LRBA: variants seen among roughly 807,000 people sequenced by gnomAD.
LRBA encodes the protein LPS responsive beige-like anchor protein, also known as lipopolysaccharide-responsive and beige-like anchor protein.
A neutral mutation model predicts 330.0 loss-of-function variants in LRBA; 176 were observed. The observed-to-expected ratio is 0.53, with a 90% CI of 0.47 to 0.60. The LOEUF is 0.60. Among genes scored for constraint, LRBA ranks in the 20% least tolerant of loss-of-function variants. LRBA has a pLI of 0.00. For synonymous variants in LRBA, 1,230 were observed against 1,193.0 expected (o/e 1.03, Z -0.64); for missense variants, 3,259 against 3,444.8 (o/e 0.95, Z 1.35).
rs755020400 is a variant in LRBA, at chr4:150,908,336, T to C, written c.1491A>G (p.Ile497Met). 1.9e-6 allele frequency: 3 copies of C among 1,608,142 alleles called. No homozygotes were observed. The highest frequency in any genetic ancestry group is 2.5e-6 in the Non-Finnish European group (3 of 1,178,802). Residue 497 changes from isoleucine (I) to methionine (M), a missense_variant and splice_region_variant, in exon 11 of 57, where the codon ATA (isoleucine) becomes ATG (methionine). Coordinates refer to ENST00000651943, the MANE Select transcript of LRBA (RefSeq NM_001364905.1). ...AAGAAACAAATAAAGGCACTCACCATATAGTCAAATCAATCTCATCAGACA... is the reference window on the plus strand; with the variant it reads ...AAGAAACAAATAAAGGCACTCACCACATAGTCAAATCAATCTCATCAGACA... Reference protein sequence around the residue: ...QYLSDEIDLTICSTLLAFIME... With the variant: ...QYLSDEIDLTMCSTLLAFIME...
At chr4:150,898,178 A>G (rs1730321071) in intron 14 of LRBA, among the ~76,000 whole-genome samples, 1 of 152,144 alleles carries the variant, frequency 6.6e-6, no homozygotes, top group Non-Finnish European at 1.5e-5. Context: ...AGAAGTTTAC[A>G]AAGAAAAAAA....
intron 56 of LRBA, among the ~76,000 whole-genome samples, chr4:150,268,217 A>G (rs1167219215): frequency 6.6e-6 from 1 of 152,246 alleles, no homozygotes; most frequent in Non-Finnish European, 1.5e-5. Flanking sequence ...TGAAAACAGT[A>G]TACCAAAACT....
At chr4:150,879,328 T>C (rs1246195951) in intron 17 of LRBA, among the ~76,000 whole-genome samples, 1 of 152,092 alleles carries the variant, frequency 6.6e-6, no homozygotes, top group Non-Finnish European at 1.5e-5. Context: ...CTCTTCATCA[T>C]AAAAATCCTC....
In LRBA at chr4:151,014,484, A is replaced by G; in HGVS notation, c.159T>C (p.Gly53=). Residue 53 remains glycine, a synonymous_variant, in exon 2 of 57, where the codon GGT becomes GGC. Transcript: ENST00000651943. ...TGGATACTTCTCCAACTTCAACCAA[A>G]CCGGTCAACACGGCAAATTTCATTC... ...GIRMKFAVLT[G]LVEVGEVSNR... 1.9e-6 allele frequency: 3 copies of G among 1,614,218 alleles called. No homozygotes were observed. Among genetic ancestry groups the G allele is most frequent in the Non-Finnish European group, 2.5e-6 (3 of 1,180,038 alleles).
chr4:150,548,770 A>C lies in LRBA; in HGVS notation c.6330+39278T>G, dbSNP rs138278195. On this transcript the variant is annotated intron_variant, in intron 40 of 56. Transcript: ENST00000651943. Reference sequence around the variant, plus strand: ...TTACTAATTGTCTGACATTGTGCTAACTGCTATTACATGAATTATCTCATT... The same window carrying C: ...TTACTAATTGTCTGACATTGTGCTACCTGCTATTACATGAATTATCTCATT... Among the ~76,000 whole-genome samples, 645 of 152,300 alleles carry C rather than the reference A, an allele frequency of 4.2e-3. 3 individuals carry two copies. Among genetic ancestry groups the C allele is most frequent in the African/African-American group, 0.015 (624 of 41,570 alleles).
intron 40 of LRBA, among the ~76,000 whole-genome samples, chr4:150,553,457 A>G (rs1006369568): frequency 2.6e-5 from 4 of 152,032 alleles, no homozygotes; most frequent in African/African-American, 4.8e-5. Context: ...CCTAGAACTT[A>G]AAGTACAAAA....
chr4:150,985,257 CAA>C (rs1225680637), intron 2 of LRBA, among the ~76,000 whole-genome samples: 15 of 80,286 alleles, frequency 1.9e-4, no homozygotes, highest in African/African-American at 2.1e-4. Context: ...GACTCCATCT[CAA>C]AAAAAAAAAA....
At chr4:150,540,941 T>C (rs1350816094) in intron 40 of LRBA, among the ~76,000 whole-genome samples, 2 of 152,202 alleles carry the variant, frequency 1.3e-5, no homozygotes, top group East Asian at 1.9e-4. Context: ...AATGCTAATA[T>C]AGAGCAGCGG....
intron 35 of LRBA, among the ~76,000 whole-genome samples, chr4:150,738,320 G>C (rs1457959715): frequency 6.6e-6 from 1 of 152,000 alleles, no homozygotes; most frequent in East Asian, 1.9e-4. Context: ...ACTAAAAATA[G>C]GTCTTTTTTC....
At position 150,907,729 on chromosome 4, in the gene LRBA, C is replaced by T. The variant is rs142630516; in HGVS notation, c.1493+605G>A. On this transcript the variant is annotated intron_variant, in intron 11 of 56. Coordinates refer to ENST00000651943, the MANE Select transcript of LRBA (RefSeq NM_001364905.1). ...TACATTGTTTCACTAGAATATATAG[C>T]CATGAGAAATTGAGACTCCTTTCCT... Among the ~76,000 whole-genome samples the T allele has an allele frequency of 3.9e-5, 6 of 152,136 alleles. No homozygotes were observed. In the East Asian group the frequency reaches 9.6e-4, roughly 24 times the overall value.
At chr4:151,009,997 A>G (rs780675027) in intron 2 of LRBA, among the ~76,000 whole-genome samples, 26 of 151,802 alleles carry the variant, frequency 1.7e-4, no homozygotes, top group Non-Finnish European at 3.2e-4. Context: ...TAAATAAATA[A>G]ATAAATAAAT....
At chr4:150,295,613 TATAA>T (rs774867378) in intron 53 of LRBA, among the ~76,000 whole-genome samples, 4 of 152,328 alleles carry the variant, frequency 2.6e-5, no homozygotes, top group East Asian at 1.9e-4. Context: ...TCCCACTACC[TATAA>T]ATAAATGTTG....
At position 150,648,158 on chromosome 4, in the gene LRBA, C is replaced by CAAAAAAAAAAAAAAA; in HGVS notation, c.5921+35378_5921+35392dup. The stretch of plus-strand genomic sequence containing the variant: ...TCAGAAGAGAAAGGAACACAAGTAG[C>CAAAAAAAAAAAAAAA]AAAAAAAAAAAAAAAAAAACTAGAA... On this transcript the variant is annotated intron_variant, in intron 37 of 56. Transcript: ENST00000651943. 1.9e-3 allele frequency among the ~76,000 whole-genome samples: 35 copies of CAAAAAAAAAAAAAAA among 18,092 alleles called. 3 individuals are homozygous for CAAAAAAAAAAAAAAA. The highest frequency in any genetic ancestry group is 3.7e-3 in the Non-Finnish European group (21 of 5,682). 11.9% of individuals were successfully genotyped at this position (18,092 alleles called of 152,430 possible). A position where few individuals can be genotyped will look rare whatever the true frequency, so the allele number is the denominator to read the frequency against.
intron 36 of LRBA, among the ~76,000 whole-genome samples, chr4:150,717,518 G>A (rs962527702): frequency 6.6e-6 from 1 of 151,566 alleles, no homozygotes; most frequent in South Asian, 2.1e-4. Context: ...AAATTAGCCA[G>A]GTGTGGTGGT....
chr4:150,661,109 A>G (rs1392458764), intron 37 of LRBA, among the ~76,000 whole-genome samples: 1 of 149,346 alleles, frequency 6.7e-6, no homozygotes, highest in Non-Finnish European at 1.5e-5. Context: ...AAGTTTCCAA[A>G]TGAGGGTTAC....
intron 56 of LRBA, among the ~76,000 whole-genome samples, chr4:150,275,342 T>TA (rs146061960): frequency 0.89 from 136,102 of 152,142 alleles, 61,325 homozygotes; most frequent in Middle Eastern, 0.95. Flanking sequence ...GGGCAAAAAC[T>TA]GAAGCATTCC....
intron 37 of LRBA, among the ~76,000 whole-genome samples, chr4:150,652,348 CTTTTAT>C (rs1779786047): frequency 6.6e-6 from 1 of 152,072 alleles, no homozygotes; most frequent in Non-Finnish European, 1.5e-5. Flanking sequence ...ATACATTCCT[CTTTTAT>C]TTTTATATTT....
chr4:150,506,522 C>G (rs922584946), intron 40 of LRBA, among the ~76,000 whole-genome samples: 3 of 152,138 alleles, frequency 2.0e-5, no homozygotes, highest in African/African-American at 7.2e-5. Context: ...TGACAAAATT[C>G]AACAACCCTT....
intron 37 of LRBA, among the ~76,000 whole-genome samples, chr4:150,637,960 T>A (rs148787097): frequency 2.6e-5 from 4 of 152,330 alleles, no homozygotes; most frequent in Admixed American, 6.5e-5. Flanking sequence ...TCTTTTGGGT[T>A]CCGACTACCA....
Sources: allele counts gnomAD v4.1 joint callset (sites outside exome capture counted in the v4.1 genomes callset), GRCh38; gene constraint gnomAD v4.1.1; transcripts MANE v1.5; gene names NCBI Gene and HGNC (gene_info 2026-07-23, HGNC 2026-07-21).